Variants in GRAMD4 observed in about 807,000 individuals in gnomAD.
GRAMD4 encodes GRAM domain containing 4, also known as GRAM domain-containing protein 4.
In GRAMD4, 25 loss-of-function variants were observed where a neutral mutation model predicts 83.9. That is an observed-to-expected ratio of 0.30 (90% CI 0.22 to 0.42). The LOEUF is 0.42. Ranked by LOEUF, GRAMD4 falls within the 10% of genes least tolerant of loss-of-function variation. GRAMD4 has a pLI of 1.00. For synonymous variants in GRAMD4, 336 were observed against 320.9 expected (o/e 1.05, Z -0.50); for missense variants, 593 against 788.7 (o/e 0.75, Z 2.97).
chr22:46,650,074 G>A (rs757385282), intron 3 of GRAMD4, among the ~76,000 whole-genome samples: 1 of 152,194 alleles, frequency 6.6e-6, no homozygotes, highest in African/African-American at 2.4e-5. Context: ...CCGGGGATGC[G>A]GGACTCCGCC....
intron 3 of GRAMD4, among the ~76,000 whole-genome samples, chr22:46,642,892 T>TATCC (rs751964627): frequency 6.6e-6 from 1 of 151,378 alleles, no homozygotes. Context: ...CTTATCTATC[T>TATCC]ATCCATCCAT....
chr22:46,633,528 T>C (rs1381871274), intron 2 of GRAMD4, among the ~76,000 whole-genome samples: 1 of 152,202 alleles, frequency 6.6e-6, no homozygotes, highest in Non-Finnish European at 1.5e-5. Flanking sequence ...TGATGAAGGC[T>C]GCTCCTGGCC....
At position 46,650,066 on chromosome 22, in the gene GRAMD4, G is replaced by A. The variant is rs1456312048; in HGVS notation, c.284-8121G>A. On this transcript the variant is annotated intron_variant, in intron 3 of 18. Transcript: ENST00000406902. The stretch of plus-strand genomic sequence containing the variant: ...GGGGCCTCTGGGTGTGCGGGCCTCC[G>A]GGGATGCGGGACTCCGCCAGGCCAG... 6.6e-5 allele frequency among the ~76,000 whole-genome samples: 10 copies of A among 152,230 alleles called. 1 individual carries two copies. Among genetic ancestry groups the A allele is most frequent in the Admixed American group, 5.9e-4 (9 of 15,290 alleles).
intron 17 of GRAMD4, among the ~76,000 whole-genome samples, chr22:46,676,159 T>A (rs535213568): frequency 1.7e-3 from 252 of 152,190 alleles, no homozygotes; most frequent in African/African-American, 6.0e-3. Flanking sequence ...CAGTTGTGGG[T>A]CATCTCTCCC....
downstream of GRAMD4, among the ~76,000 whole-genome samples, chr22:46,682,680 A>G (rs894537460): frequency 3.9e-5 from 6 of 152,190 alleles, no homozygotes; most frequent in African/African-American, 7.2e-5. Context: ...ACACCCCCCA[A>G]AATGCCTTCC....
intron 1 of GRAMD4, among the ~76,000 whole-genome samples, chr22:46,602,786 A>T: frequency 1.1e-5 from 1 of 92,256 alleles, no homozygotes; most frequent in South Asian, 3.3e-4. Context: ...TTTGAGGCAG[A>T]GTCTCTGTCT....
chr22:46,643,139 C>T (rs796187220), intron 3 of GRAMD4, among the ~76,000 whole-genome samples: 1 of 32,000 alleles, frequency 3.1e-5, no homozygotes. Flanking sequence ...ATCCATGCAT[C>T]CTTCCATCCA....
At chr22:46,623,738 A>G (rs1257647124) in intron 1 of GRAMD4, among the ~76,000 whole-genome samples, 1 of 150,356 alleles carries the variant, frequency 6.7e-6, no homozygotes, top group East Asian at 2.0e-4. Context: ...GCGTATTAGG[A>G]AGTGGTCTTG....
At chr22:46,649,108 G>A (rs927031575) in intron 3 of GRAMD4, among the ~76,000 whole-genome samples, 1 of 152,342 alleles carries the variant, frequency 6.6e-6, no homozygotes, top group East Asian at 1.9e-4. Context: ...ATTCTGTCTG[G>A]TGTTTGGTCC....
intron 15 of GRAMD4, 148 bp downstream of exon 15, chr22:46,673,962 G>A: frequency 1.1e-6 from 1 of 888,544 alleles, no homozygotes; most frequent in Non-Finnish European, 1.8e-6. Flanking sequence ...GCCCCAGGAG[G>A]AGTGCAGGAG....
In GRAMD4 at chr22:46,672,083, C is replaced by T. The variant is rs375374077; in HGVS notation, c.1085-760C>T. Among the ~76,000 whole-genome samples, 45 of 152,332 alleles carry T rather than the reference C, an allele frequency of 3.0e-4. No homozygotes were observed. Among genetic ancestry groups the T allele is most frequent in the African/African-American group, 8.9e-4 (37 of 41,582 alleles). ...AGCCCCCAGCACTGGGAGGGGCACC[C>T]GGAGAGACCGGAACTCCTGACAGCT... On this transcript the variant is annotated intron_variant, in intron 13 of 18. Transcript: ENST00000406902. This position sits in a 1 kb window ranked among gnomAD's most constrained non-coding sequence, Gnocchi z 4.7.
chr22:46,605,071 G>C (rs1483648927), intron 1 of GRAMD4, among the ~76,000 whole-genome samples: 55 of 83,508 alleles, frequency 6.6e-4, no homozygotes, highest in East Asian at 2.6e-3. Flanking sequence ...CCATAATGTT[G>C]TCTGGGTTCA....
chr22:46,584,546 A>G (rs2081129282), intron 1 of GRAMD4, among the ~76,000 whole-genome samples: 1 of 152,116 alleles, frequency 6.6e-6, no homozygotes, highest in Admixed American at 6.5e-5. Context: ...CTTGCCACAC[A>G]TCTACTTAAT....
chr22:46,672,693 T>C lies in GRAMD4; in HGVS notation c.1085-150T>C, dbSNP rs1009449672. The stretch of plus-strand genomic sequence containing the variant: ...GGAGCGAGGCTGGGGGTATCCAGGG[T>C]GAGGACTGAGCGAGCAGCTGGACTC... On this transcript the variant is annotated intron_variant, in intron 13 of 18. Transcript: ENST00000406902. This position sits in a 1 kb window ranked among gnomAD's most constrained non-coding sequence, Gnocchi z 4.7. 5.1e-5 allele frequency: 32 copies of C among 630,872 alleles called. No homozygotes were observed. The African/African-American group carries it at 5.5e-4, about 11-fold the overall frequency. The allele number at this position is 630,872 out of a possible 1,614,324, so 39.1% of individuals were successfully genotyped here.
intron 3 of GRAMD4, among the ~76,000 whole-genome samples, chr22:46,651,835 C>T (rs973576956): frequency 3.7e-4 from 56 of 152,130 alleles, no homozygotes; most frequent in African/African-American, 1.1e-3. Context: ...CCTTTGAGGG[C>T]GGAGCTGGAG....
chr22:46,624,883 C>G (rs532751157), intron 1 of GRAMD4, among the ~76,000 whole-genome samples: 8 of 134,814 alleles, frequency 5.9e-5, no homozygotes, highest in East Asian at 2.3e-4. Flanking sequence ...TTTTTTGAGA[C>G]AGAGTCTCGC....
At chr22:46,682,376 A>T, downstream of GRAMD4, 1 of 954,018 alleles carries the variant, frequency 1.0e-6, no homozygotes, top group Non-Finnish European at 1.2e-6. Context: ...ACTATCTGTA[A>T]ATGATATGAT....
rs2081205162 is a variant in GRAMD4, at chr22:46,591,295, AT to A, written c.-50+14007del. Reference sequence around the variant, plus strand: ...ACTTTGAGAGGCTGAGAGGGGGAGGATTGCGTGAGCTCAGGAGTTTGAGAAC... The same window carrying A: ...ACTTTGAGAGGCTGAGAGGGGGAGGATGCGTGAGCTCAGGAGTTTGAGAAC... On this transcript the variant is annotated intron_variant, in intron 1 of 1. Transcript: ENST00000431155. Among the ~76,000 whole-genome samples, 4 of 152,158 alleles carry A rather than the reference AT, an allele frequency of 2.6e-5. No homozygotes were observed. The South Asian group carries it at 6.2e-4, about 24-fold the overall frequency.
In GRAMD4 at chr22:46,676,895, C is replaced by G. The variant is rs557905231; in HGVS notation, c.1632+227C>G. On this transcript the variant is annotated intron_variant, in intron 18 of 18. Transcript: ENST00000406902. ...ACCGGACAGACAGGGATGTTGGGCA[C>G]AGGGGTCCCCTGACTCAGTGACTTG... is the stretch of plus-strand genomic sequence containing the variant. Among the ~76,000 whole-genome samples, 4 of 152,332 alleles carry G rather than the reference C, an allele frequency of 2.6e-5. No individual in the cohort carries two copies. In the South Asian group the frequency reaches 6.2e-4, roughly 24 times the overall value.
Sources: allele counts gnomAD v4.1 joint callset (sites outside exome capture counted in the v4.1 genomes callset), GRCh38; gene constraint gnomAD v4.1.1; non-coding constraint Gnocchi (gnomAD v3.1); transcripts MANE v1.5; gene names NCBI Gene and HGNC (gene_info 2026-07-23, HGNC 2026-07-21).